KMT2D: variants seen among roughly 807,000 people sequenced by gnomAD.
KMT2D encodes histone-lysine N-methyltransferase 2D.
KMT2D carries 55 observed loss-of-function variants against 512.7 expected under a neutral mutation model. That is an observed-to-expected ratio of 0.11 (90% CI 0.09 to 0.13). The LOEUF is 0.13. Ranked by LOEUF, KMT2D falls within the 10% of genes least tolerant of loss-of-function variation. KMT2D has a pLI of 1.00. For missense variants in KMT2D, 6,061 were observed against 7,127.9 expected (o/e 0.85, Z 5.39); for synonymous variants, 2,995 against 2,904.0 (o/e 1.03, Z -1.01).
rs757252818 is a variant in KMT2D, at chr12:49,033,866, GTGCTGTTGC to G, written c.10830_10838del (p.Gln3610_Gln3612del). On this transcript the variant is annotated inframe_deletion, in exon 40 of 55. Coordinates refer to ENST00000301067, the MANE Select transcript of KMT2D (RefSeq NM_003482.4). ...AAGGGCTGAGAGCCAGCACAGCTGA[GTGCTGTTGC>G]TGTTGTTGCTGCTGCTGCTGCTGTT... is the stretch of plus-strand genomic sequence containing the variant. The G allele has an allele frequency of 1.0e-5, 16 of 1,555,536 alleles. No homozygotes were observed. Among genetic ancestry groups the G allele is most frequent in the African/African-American group, 6.8e-5 (5 of 73,226 alleles).
At position 49,044,029 on chromosome 12, in the gene KMT2D, GT is replaced by G; in HGVS notation, c.5189-32del. ...GACAGAACGGAAGTGTCAGACTCGG[GT>G]TGAGAGCATGCTGCTCCCAACTTGC... On this transcript the variant is annotated intron_variant, in intron 22 of 54. Transcript: ENST00000301067. The surrounding 1 kb of genome is among the most constrained non-coding windows in gnomAD (Gnocchi z 6.4). 1 of 1,612,158 alleles carries G rather than the reference GT, an allele frequency of 6.2e-7. No individual in the cohort carries two copies. Among genetic ancestry groups the G allele is most frequent in the Non-Finnish European group, 8.5e-7 (1 of 1,178,646 alleles).
rs779643137 is a variant in KMT2D, at chr12:49,034,053, T to C, written c.10740+14A>G. ...TGCCTTCTGGGTGCTAGGCTGAAGTTTGCTTTCCCCCACCTGATCCAGTTG... is the reference window on the plus strand; with the variant it reads ...TGCCTTCTGGGTGCTAGGCTGAAGTCTGCTTTCCCCCACCTGATCCAGTTG... On this transcript the variant is annotated intron_variant, in intron 39 of 54. Coordinates refer to ENST00000301067, the MANE Select transcript of KMT2D (RefSeq NM_003482.4). 4 of 1,608,770 alleles carry C rather than the reference T, an allele frequency of 2.5e-6. No homozygotes were observed. Among genetic ancestry groups the C allele is most frequent in the African/African-American group, 2.7e-5 (2 of 74,892 alleles).
chr12:49,036,738 G>T (rs1422907300), intron 35 of KMT2D, among the ~76,000 whole-genome samples: 1 of 152,052 alleles, frequency 6.6e-6, no homozygotes, highest in Non-Finnish European at 1.5e-5. Flanking sequence ...GATCTTAAGT[G>T]ATCCACCTGC....
In KMT2D at chr12:49,040,742, G is replaced by A. The variant is rs764884530; in HGVS notation, c.7028C>T (p.Pro2343Leu). The change falls in exon 32 of 55, where the codon CCG (proline) becomes CTG (leucine). Residue 2343 changes from proline (P) to leucine (L), a missense_variant. Physicochemically the swap from Pro to Leu is moderately conservative, Grantham distance 98. Coordinates refer to ENST00000301067, the MANE Select transcript of KMT2D (RefSeq NM_003482.4). Reference protein sequence around the residue: ...PRASQVEPQSPGLGLRPQEPP... With the variant: ...PRASQVEPQSLGLGLRPQEPP... ...CTCCTGGGGCCTTAGGCCCAAGCCC[G>A]GGCTCTGGGGCTCTACCTGAGATGC... is the stretch of plus-strand genomic sequence containing the variant. 1.7e-5 allele frequency: 28 copies of A among 1,613,362 alleles called. No individual in the cohort carries two copies. The highest frequency in any genetic ancestry group is 2.1e-5 in the Non-Finnish European group (25 of 1,179,704).
intron 6 of KMT2D, 82 bp from the exon 7 acceptor site, chr12:49,053,723 C>G (rs2120700567): frequency 7.0e-7 from 1 of 1,432,518 alleles, no homozygotes; most frequent in Non-Finnish European, 9.4e-7. Flanking sequence ...ACAGGCACTC[C>G]ATGGGCACAG....
chr12:49,054,420 T>C lies in KMT2D; in HGVS notation c.401-4A>G, dbSNP rs577775922. The C allele has an allele frequency of 8.9e-6, 14 of 1,581,536 alleles. No individual in the cohort carries two copies. The highest frequency in any genetic ancestry group is 1.7e-4 in the Middle Eastern group (1 of 6,028). ...CAATGGTGAGCCCAGCAGGACCCTT[T>C]ACAGGTGGGAAGAGGTAAAGAGAAA... On this transcript the variant is annotated splice_polypyrimidine_tract_variant and splice_region_variant and intron_variant, in intron 4 of 54. Coordinates refer to ENST00000301067, the MANE Select transcript of KMT2D (RefSeq NM_003482.4). The surrounding 1 kb of genome is among the most constrained non-coding windows in gnomAD (Gnocchi z 6.4).
At position 49,033,682 on chromosome 12, in the gene KMT2D, T is replaced by C. The variant is rs779542739; in HGVS notation, c.11023A>G (p.Thr3675Ala). The C allele has an allele frequency of 2.5e-6, 4 of 1,613,568 alleles. No homozygotes were observed. The South Asian group carries it at 3.3e-5, about 13-fold the overall frequency. Residue 3675 changes from threonine to alanine, a missense_variant, in exon 40 of 55, where the codon ACA becomes GCA. Physicochemically the swap from Thr to Ala is moderately conservative, Grantham distance 58 (BLOSUM62 0). This residue lies in a region of KMT2D where 1,600 missense variants were observed against 1,754.9 expected (regional missense o/e 0.91). Transcript: ENST00000301067. ...TGTTGCTGCTGTTGGGCCAGAGCTG[T>C]ATTAAGGAAGGGGCCACCAGGCTGT... ...PGQPGGPFLN[T>A]ALAQQQQQQH...
chr12:49,047,910 GTAAGA>G, intron 15 of KMT2D, 50 bp downstream of exon 15: 5 of 1,264,968 alleles, frequency 4.0e-6, no homozygotes, highest in Non-Finnish European at 5.8e-6. Flanking sequence ...AGGAACTAGG[GTAAGA>G]AATAACTGAC....
In KMT2D at chr12:49,034,456, G is replaced by A. The variant is rs774614685; in HGVS notation, c.10461C>T (p.Pro3487=). The A allele has an allele frequency of 2.5e-6, 4 of 1,613,660 alleles. No individual in the cohort carries two copies. The highest frequency in any genetic ancestry group is 3.3e-5 in the Admixed American group (2 of 59,970). The change falls in exon 38 of 55, where the codon CCC becomes CCT. Residue 3487 remains proline (P), a synonymous_variant. Coordinates refer to ENST00000301067, the MANE Select transcript of KMT2D (RefSeq NM_003482.4). ...TGGGCGGGTTGGGACGAGGCTGGGAGGGATCACCAGCACTCCGCTCCTGCA... is the reference window on the plus strand; with the variant it reads ...TGGGCGGGTTGGGACGAGGCTGGGAAGGATCACCAGCACTCCGCTCCTGCA... The part of the protein sequence containing the change: ...GSGQERSAGD[P]SQPRPNPPTF...
chr12:49,047,406 C>CTTTTTTTTTTTT (rs57252968), intron 15 of KMT2D, among the ~76,000 whole-genome samples: 2 of 93,882 alleles, frequency 2.1e-5, no homozygotes, highest in Admixed American at 2.7e-4. Flanking sequence ...CCAGTTTTTC[C>CTTTTTTTTTTTT]TTTTTTTTTT....
At position 49,024,432 on chromosome 12, in the gene KMT2D, C is replaced by A; in HGVS notation, c.16052+146G>T. 9.8e-7 allele frequency: 1 copy of A among 1,023,500 alleles called. No homozygotes were observed. The highest frequency in any genetic ancestry group is 1.4e-6 in the Non-Finnish European group (1 of 714,730). The allele number at this position is 1,023,500 out of a possible 1,614,324, so 63.4% of individuals were successfully genotyped here. On this transcript the variant is annotated intron_variant, in intron 51 of 54. Coordinates refer to ENST00000301067, the MANE Select transcript of KMT2D (RefSeq NM_003482.4). This position sits in a 1 kb window ranked among gnomAD's most constrained non-coding sequence, Gnocchi z 4.5. The stretch of plus-strand genomic sequence containing the variant: ...GAAAAGGATACCCTACTAATACCTG[C>A]ATGCCCTCTAATTAGGAAGTCTAAG...
rs1488171868 is a variant in KMT2D at position 49,051,799 on chromosome 12, T to C, written c.1884A>G (p.Pro628=). 18 of 1,604,746 alleles carry C rather than the reference T, an allele frequency of 1.1e-5. No homozygotes were observed. Among genetic ancestry groups the C allele is most frequent in the Non-Finnish European group, 1.5e-5 (18 of 1,176,312 alleles). ...GGGACATAGGCGAGTCCTCAGGTGG[T>C]GGGGACAGGCGTGATGCCTCAGGTG... is the stretch of plus-strand genomic sequence containing the variant. The part of the protein sequence containing the change: ...SPPPEASRLS[P]PPEDSPMSPP... The change falls in exon 11 of 55, where the codon CCA becomes CCG. Residue 628 remains proline, a synonymous_variant. Coordinates refer to ENST00000301067, the MANE Select transcript of KMT2D (RefSeq NM_003482.4).
chr12:49,058,321 G>A (rs1938534592), intron 1 of KMT2D, among the ~76,000 whole-genome samples: 1 of 152,222 alleles, frequency 6.6e-6, no homozygotes, highest in Non-Finnish European at 1.5e-5. Context: ...GAGCAGGATT[G>A]ACAGCTCACC....
chr12:49,045,857 A>G lies in KMT2D; in HGVS notation c.4741+63T>C, dbSNP rs2120595170. 2.3e-6 allele frequency: 3 copies of G among 1,320,450 alleles called. No homozygotes were observed. The East Asian group carries it at 6.9e-5, about 30-fold the overall frequency. 81.8% of individuals were successfully genotyped at this position (1,320,450 alleles called of 1,614,324 possible). ...TAAGGAGATGAAGCTAGGGGGTTGG[A>G]GCTAGACTAGATGATGTCCGACGTC... On this transcript the variant is annotated intron_variant, in intron 19 of 54. Transcript: ENST00000301067.
rs1943788565 is a variant in KMT2D at position 49,046,445 on chromosome 12, G to A, written c.4419-21C>T. 6.2e-7 allele frequency: 1 copy of A among 1,611,288 alleles called. No individual in the cohort carries two copies. Among genetic ancestry groups the A allele is most frequent in the Non-Finnish European group, 8.5e-7 (1 of 1,178,130 alleles). On this transcript the variant is annotated intron_variant, in intron 16 of 54. Coordinates refer to ENST00000301067, the MANE Select transcript of KMT2D (RefSeq NM_003482.4). The surrounding 1 kb of genome is among the most constrained non-coding windows in gnomAD (Gnocchi z 4.2). The stretch of plus-strand genomic sequence containing the variant: ...CACACCTGATAGGAGCAGGAAAACA[G>A]AGCTTTAGCACCCAACCTACCCGAA...
Position 49,031,231 on chromosome 12 carries a change from C to T in KMT2D, c.13474G>A (p.Asp4492Asn), listed in dbSNP as rs767503507. Reference sequence around the variant, plus strand: ...TGCTCCAGCCCAGCCAGCTTGCTGTCAATGTGCCCGTTGATCTCAGCTCGC... The same window carrying T: ...TGCTCCAGCCCAGCCAGCTTGCTGTTAATGTGCCCGTTGATCTCAGCTCGC... ...GLRAEINGHI[D>N]SKLAGLEQKL... The change falls in exon 40 of 55, where the codon GAC becomes AAC. Residue 4492 changes from aspartate to asparagine, a missense_variant. Coordinates refer to ENST00000301067, the MANE Select transcript of KMT2D (RefSeq NM_003482.4). The T allele has an allele frequency of 1.2e-6, 2 of 1,612,636 alleles. No individual in the cohort carries two copies. The highest frequency in any genetic ancestry group is 1.7e-6 in the Non-Finnish European group (2 of 1,179,418).
At position 49,022,245 on chromosome 12, in the gene KMT2D, G is replaced by C. The variant is rs2137704577; in HGVS notation, c.16412+35C>G. 6.3e-7 allele frequency: 1 copy of C among 1,593,162 alleles called. No individual in the cohort carries two copies. Among genetic ancestry groups the C allele is most frequent in the African/African-American group, 1.3e-5 (1 of 74,554 alleles). The stretch of plus-strand genomic sequence containing the variant: ...TATCCCCCAGAGTGCCACTCTCAGG[G>C]ACCACTAAATCCCTCCTTCCTCGTC... On this transcript the variant is annotated intron_variant, in intron 53 of 54. Coordinates refer to ENST00000301067, the MANE Select transcript of KMT2D (RefSeq NM_003482.4). The surrounding 1 kb of genome is among the most constrained non-coding windows in gnomAD (Gnocchi z 8.6).
intron 15 of KMT2D, among the ~76,000 whole-genome samples, chr12:49,047,737 G>A (rs901801675): frequency 2.0e-5 from 3 of 152,034 alleles, no homozygotes; most frequent in Non-Finnish European, 4.4e-5. Context: ...TATTTTTTAC[G>A]ATGGACTGAA....
Position 49,040,783 on chromosome 12 carries a change from G to C in KMT2D, c.6987C>G (p.Ala2329=), listed in dbSNP as rs772399253. The change falls in exon 32 of 55, where the codon GCC becomes GCG. Residue 2329 remains alanine, a synonymous_variant. Coordinates refer to ENST00000301067, the MANE Select transcript of KMT2D (RefSeq NM_003482.4). Reference sequence around the variant, plus strand: ...CCTGAGATGCCCGAGGGGTCAGGGGGGCTTTGAAGACATCAGGTGTCTTTA... The same window carrying C: ...CCTGAGATGCCCGAGGGGTCAGGGGCGCTTTGAAGACATCAGGTGTCTTTA... ...LELKTPDVFK[A]PLTPRASQVE... is the part of the protein sequence containing the mutation. 1 of 1,613,638 alleles carries C rather than the reference G, an allele frequency of 6.2e-7. No homozygotes were observed. The highest frequency in any genetic ancestry group is 1.7e-4 in the Middle Eastern group (1 of 6,056).
Sources: allele counts gnomAD v4.1 joint callset (sites outside exome capture counted in the v4.1 genomes callset), GRCh38; gene constraint gnomAD v4.1.1; regional missense constraint gnomAD v4.1.1; non-coding constraint Gnocchi (gnomAD v3.1); transcripts MANE v1.5; gene names NCBI Gene and HGNC (gene_info 2026-07-23, HGNC 2026-07-21).